The following PDE4D variants were observed in gnomAD, a reference collection of about 807,000 sequenced individuals.
The protein encoded by PDE4D is phosphodiesterase 4D, also known as 3',5'-cyclic-AMP phosphodiesterase 4D.
Under a neutral mutation model 87.4 loss-of-function variants are expected in PDE4D, and 24 were observed. The observed-to-expected ratio is 0.27, with a 90% CI of 0.20 to 0.39. The LOEUF is 0.39. Among genes scored for constraint, PDE4D ranks in the 10% least tolerant of loss-of-function variants. The probability of loss-of-function intolerance (pLI) is 1.00; values close to 1 mark genes in which losing one functional copy is unlikely to be tolerated. For missense variants in PDE4D, 714 were observed against 1,041.0 expected (o/e 0.69, Z 4.32); for synonymous variants, 384 against 383.2 (o/e 1.00, Z -0.02).
At chr5:59,109,561 G>C (rs149857718) in intron 5 of PDE4D, among the ~76,000 whole-genome samples, 1 of 152,174 alleles carries the variant, frequency 6.6e-6, no homozygotes, top group Non-Finnish European at 1.5e-5. Flanking sequence ...TAAGCCAAGT[G>C]GGGTGGAAGC....
intron 1 of PDE4D, among the ~76,000 whole-genome samples, chr5:60,191,243 C>A (rs1785175504): frequency 1.3e-5 from 2 of 151,892 alleles, no homozygotes; most frequent in South Asian, 2.1e-4. Context: ...TGGGTTTAAT[C>A]TTTGCTTCTT....
intron 5 of PDE4D, among the ~76,000 whole-genome samples, chr5:59,065,063 TATATACACAC>T (rs1253680066): frequency 0.027 from 2,932 of 109,310 alleles, 110 homozygotes; most frequent in East Asian, 0.095. Flanking sequence ...ATGTGATATA[TATATACACAC>T]ACACACACAC....
intron 2 of PDE4D, among the ~76,000 whole-genome samples, chr5:60,008,258 C>T (rs1168711864): frequency 1.3e-5 from 2 of 151,716 alleles, no homozygotes; most frequent in Admixed American, 6.6e-5. Flanking sequence ...GTTAGCACCC[C>T]GATTGCTATA....
At chr5:59,457,526 C>T (rs1800113857) in intron 1 of PDE4D, among the ~76,000 whole-genome samples, 1 of 152,142 alleles carries the variant, frequency 6.6e-6, no homozygotes, top group African/African-American at 2.4e-5. Context: ...TCTCTGAACC[C>T]TATACTTAAG....
intron 1 of PDE4D, among the ~76,000 whole-genome samples, chr5:59,629,222 G>C (rs1161192727): frequency 2.0e-5 from 3 of 152,096 alleles, no homozygotes; most frequent in African/African-American, 7.2e-5. Flanking sequence ...GTTGTTATGG[G>C]TTGTACTGTG....
intron 2 of PDE4D, among the ~76,000 whole-genome samples, chr5:60,165,943 C>G (rs1782853115): frequency 6.6e-6 from 1 of 151,770 alleles, no homozygotes; most frequent in African/African-American, 2.4e-5. Flanking sequence ...TTTGTAGAGT[C>G]TTTGTTTATT....
chr5:59,011,010 G>A (rs926654059), intron 6 of PDE4D, among the ~76,000 whole-genome samples: 1 of 152,152 alleles, frequency 6.6e-6, no homozygotes, highest in Non-Finnish European at 1.5e-5. Context: ...AGCCTCTGCT[G>A]GTGATACCCA....
At chr5:59,495,653 A>G (rs1296389806) in intron 1 of PDE4D, among the ~76,000 whole-genome samples, 2 of 152,188 alleles carry the variant, frequency 1.3e-5, no homozygotes, top group Non-Finnish European at 2.9e-5. Context: ...TCCCGAAGCC[A>G]GGTTTCTTCT....
chr5:60,227,062 T>C (rs1214451201), intron 1 of PDE4D, among the ~76,000 whole-genome samples: 2 of 152,038 alleles, frequency 1.3e-5, no homozygotes, highest in Non-Finnish European at 2.9e-5. Context: ...CAGATAGATA[T>C]ATAGATAGAT....
chr5:59,350,909 A>T (rs781126573), intron 1 of PDE4D, among the ~76,000 whole-genome samples: 2 of 152,166 alleles, frequency 1.3e-5, no homozygotes, highest in Admixed American at 6.6e-5. Context: ...ATTCCTGCAC[A>T]CTACATTTCC....
intron 1 of PDE4D, among the ~76,000 whole-genome samples, chr5:59,511,154 G>C (rs1434503946): frequency 6.6e-6 from 1 of 151,792 alleles, no homozygotes; most frequent in Non-Finnish European, 1.5e-5. Flanking sequence ...TAATTTAAAA[G>C]ATAAGGAAAA....
intron 1 of PDE4D, chr5:59,768,512 T>C (rs750694823): frequency 1.4e-5 from 23 of 1,598,060 alleles, no homozygotes; most frequent in Non-Finnish European, 1.9e-5. Flanking sequence ...TGAGCCATTT[T>C]CCTGGTCAAC....
intron 1 of PDE4D, among the ~76,000 whole-genome samples, chr5:60,278,552 A>G (rs1011505598): frequency 6.6e-6 from 1 of 152,088 alleles, no homozygotes; most frequent in East Asian, 1.9e-4. Context: ...TTATAATTAC[A>G]TGGGCCCATT....
At chr5:59,972,105 G>C (rs752625782) in intron 3 of PDE4D, among the ~76,000 whole-genome samples, 1 of 152,132 alleles carries the variant, frequency 6.6e-6, no homozygotes, top group Non-Finnish European at 1.5e-5. Flanking sequence ...ATATGTGATG[G>C]TCTGAGCCAT....
intron 1 of PDE4D, among the ~76,000 whole-genome samples, chr5:59,547,930 A>T (rs953377332): frequency 1.3e-5 from 2 of 152,160 alleles, no homozygotes; most frequent in South Asian, 4.1e-4. Flanking sequence ...CCTTGGAACT[A>T]CTGGGAGATG....
At chr5:59,289,553 C>T (rs966392302) in intron 1 of PDE4D, among the ~76,000 whole-genome samples, 1 of 151,870 alleles carries the variant, frequency 6.6e-6, no homozygotes, top group Non-Finnish European at 1.5e-5. Context: ...CAATAAAAGT[C>T]ATATATAACA....
chr5:59,839,417 T>G (rs1333106819), intron 1 of PDE4D, among the ~76,000 whole-genome samples: 1 of 151,892 alleles, frequency 6.6e-6, no homozygotes, highest in Non-Finnish European at 1.5e-5. Context: ...TGTTTGTTTG[T>G]TTTTTGTTTT....
At chr5:60,052,627 A>G (rs771404734) in intron 2 of PDE4D, among the ~76,000 whole-genome samples, 18 of 152,358 alleles carry the variant, frequency 1.2e-4, no homozygotes, top group Non-Finnish European at 2.2e-4. Flanking sequence ...GAAAACAGGC[A>G]CAAGACAAGG....
chr5:59,669,622 T>G (rs963604699), intron 1 of PDE4D, among the ~76,000 whole-genome samples: 1 of 152,206 alleles, frequency 6.6e-6, no homozygotes, highest in South Asian at 2.1e-4. Context: ...ATAGGAACCA[T>G]GGACTTGCTG....
Sources: allele counts gnomAD v4.1 joint callset (sites outside exome capture counted in the v4.1 genomes callset), GRCh38; gene constraint gnomAD v4.1.1; transcripts MANE v1.5; gene names NCBI Gene and HGNC (gene_info 2026-07-23, HGNC 2026-07-21).